MTUS2: variants seen among roughly 807,000 people sequenced by gnomAD.
MTUS2 encodes microtubule associated scaffold protein 2.
MTUS2 carries 40 observed loss-of-function variants against 114.1 expected under a neutral mutation model. The observed-to-expected ratio is 0.35, with a 90% CI of 0.27 to 0.46. The LOEUF (loss-of-function observed/expected upper bound fraction) is 0.46, where lower values mean the gene tolerates loss of function less well. MTUS2 is among the 20% of genes least tolerant of loss of function. The probability of loss-of-function intolerance (pLI) is 1.00; values close to 1 mark genes in which losing one functional copy is unlikely to be tolerated. For synonymous variants in MTUS2, 688 were observed against 672.0 expected (o/e 1.02, Z -0.37); for missense variants, 1,679 against 1,705.4 (o/e 0.98, Z 0.27).
chr13:29,299,966 G>T (rs887300135), intron 6 of MTUS2, among the ~76,000 whole-genome samples: 1 of 152,002 alleles, frequency 6.6e-6, no homozygotes, highest in African/African-American at 2.4e-5. Flanking sequence ...TTTTGGAGGG[G>T]GGGGCACTTG....
intron 2 of MTUS2, among the ~76,000 whole-genome samples, chr13:28,869,664 A>C (rs867839911): frequency 6.6e-6 from 1 of 152,104 alleles, no homozygotes; most frequent in African/African-American, 2.4e-5. Context: ...CCAGCTACTT[A>C]GGAGGCTGAG....
chr13:29,213,590 T>C (rs1895546524), intron 5 of MTUS2, among the ~76,000 whole-genome samples: 2 of 152,218 alleles, frequency 1.3e-5, no homozygotes, highest in African/African-American at 4.8e-5. Context: ...AATTAACTTC[T>C]TTATCCCTGG....
chr13:29,186,768 G>T (rs1894242047), intron 5 of MTUS2, among the ~76,000 whole-genome samples: 1 of 152,124 alleles, frequency 6.6e-6, no homozygotes, highest in South Asian at 2.1e-4. Context: ...AAATCAACTA[G>T]ACTTAATAGA....
intron 7 of MTUS2, among the ~76,000 whole-genome samples, chr13:29,350,660 C>T (rs1271199770): frequency 6.6e-6 from 1 of 151,902 alleles, no homozygotes; most frequent in Non-Finnish European, 1.5e-5. Context: ...GCTGCTATAA[C>T]AAATACCATA....
intron 2 of MTUS2, among the ~76,000 whole-genome samples, chr13:28,881,467 ATTTCT>A (rs926210530): frequency 2.0e-5 from 3 of 152,014 alleles, no homozygotes; most frequent in Non-Finnish European, 2.9e-5. Flanking sequence ...TGATAAAATG[ATTTCT>A]TTTCCTTTGG....
At chr13:29,497,705 A>C (rs1479688067) in intron 13 of MTUS2, 1 of 244,452 alleles carries the variant, frequency 4.1e-6, no homozygotes, top group Non-Finnish European at 8.1e-6. Flanking sequence ...TGGCTGCAGC[A>C]TGCGTTCAGT....
At chr13:28,984,964 A>G (rs1466051290) in intron 2 of MTUS2, among the ~76,000 whole-genome samples, 1 of 152,224 alleles carries the variant, frequency 6.6e-6, no homozygotes, top group East Asian at 1.9e-4. Context: ...GATAATGGAT[A>G]AGGGATTGTG....
At chr13:29,195,514 C>G (rs1894650656) in intron 5 of MTUS2, among the ~76,000 whole-genome samples, 1 of 137,014 alleles carries the variant, frequency 7.3e-6, no homozygotes, top group African/African-American at 2.7e-5. Flanking sequence ...TATGTGCATT[C>G]CATCACAGAT....
chr13:28,945,597 T>A (rs988706021), intron 2 of MTUS2, among the ~76,000 whole-genome samples: 1 of 152,224 alleles, frequency 6.6e-6, no homozygotes, highest in African/African-American at 2.4e-5. Flanking sequence ...CATTTTTTCA[T>A]ATATTTGTTG....
In MTUS2 at chr13:29,295,464, C is replaced by CGAGT. The variant is rs1383717168; in HGVS notation, c.2806+13599_2806+13600insGAGT. Reference sequence around the variant, plus strand: ...CACCTCTAGTGACCACTATTCTACTCTCTCCTTCTATGAGATCAACCTTTT... The same window carrying CGAGT: ...CACCTCTAGTGACCACTATTCTACTCGAGTTCTCCTTCTATGAGATCAACCTTTT... On this transcript the variant is annotated intron_variant, in intron 6 of 15. Coordinates refer to ENST00000612955, the MANE Select transcript of MTUS2 (RefSeq NM_001033602.4). 3.3e-5 allele frequency among the ~76,000 whole-genome samples: 5 copies of CGAGT among 152,280 alleles called. No individual in the cohort carries two copies. The South Asian group carries it at 1.0e-3, about 32-fold the overall frequency.
At chr13:29,453,302 T>G (rs1379617407) in intron 9 of MTUS2, among the ~76,000 whole-genome samples, 1 of 152,256 alleles carries the variant, frequency 6.6e-6, no homozygotes, top group Non-Finnish European at 1.5e-5. Flanking sequence ...CAGTTGAGTT[T>G]CTCGTGAACC....
chr13:29,238,779 A>C (rs1896627657), intron 5 of MTUS2, among the ~76,000 whole-genome samples: 1 of 152,168 alleles, frequency 6.6e-6, no homozygotes, highest in South Asian at 2.1e-4. Flanking sequence ...CAATCCAATC[A>C]AGTTGACACT....
At chr13:29,214,243 A>G (rs1272764260) in intron 5 of MTUS2, among the ~76,000 whole-genome samples, 2 of 149,858 alleles carry the variant, frequency 1.3e-5, no homozygotes, top group African/African-American at 2.5e-5. Context: ...TTTTGAGCCT[A>G]TGTGTGTCTT....
At chr13:28,922,845 A>C (rs1200019849) in intron 2 of MTUS2, among the ~76,000 whole-genome samples, 1 of 152,152 alleles carries the variant, frequency 6.6e-6, no homozygotes, top group Non-Finnish European at 1.5e-5. Flanking sequence ...AGTTAGTTAA[A>C]ATATGGTGTT....
At chr13:29,361,500 A>G (rs551829576) in intron 8 of MTUS2, among the ~76,000 whole-genome samples, 1 of 152,236 alleles carries the variant, frequency 6.6e-6, no homozygotes, top group Non-Finnish European at 1.5e-5. Context: ...GAACATAATC[A>G]GTGGCTTTTA....
At chr13:29,486,993 G>A (rs1469642721) in intron 10 of MTUS2, among the ~76,000 whole-genome samples, 4 of 152,234 alleles carry the variant, frequency 2.6e-5, no homozygotes, top group Non-Finnish European at 5.9e-5. Context: ...GCAGGCAGGT[G>A]AGGGGTAGGG....
chr13:28,863,668 A>T (rs567441890), intron 2 of MTUS2, among the ~76,000 whole-genome samples: 3 of 152,288 alleles, frequency 2.0e-5, no homozygotes, highest in East Asian at 3.9e-4. Context: ...TGTTTTTAAA[A>T]TTTATTTTAA....
At chr13:29,209,256 T>C (rs1377737299) in intron 5 of MTUS2, among the ~76,000 whole-genome samples, 1 of 152,198 alleles carries the variant, frequency 6.6e-6, no homozygotes. Flanking sequence ...TGCTCACTTC[T>C]GGTGTCCATT....
intron 6 of MTUS2, among the ~76,000 whole-genome samples, chr13:29,300,004 C>G (rs1899126276): frequency 6.6e-6 from 1 of 152,132 alleles, no homozygotes; most frequent in African/African-American, 2.4e-5. Flanking sequence ...ACCTCATCCT[C>G]TATTACAAAT....
Sources: gnomAD v4.1 joint callset for allele counts (sites outside exome capture counted in the v4.1 genomes callset) on GRCh38, gnomAD v4.1.1 for gene constraint, MANE v1.5 for transcripts, NCBI Gene and HGNC (gene_info 2026-07-23, HGNC 2026-07-21) for gene names.